The following SCAPER variants were observed in gnomAD, a reference collection of about 807,000 sequenced individuals.
The protein encoded by SCAPER is S phase cyclin A-associated protein in the endoplasmic reticulum.
A neutral mutation model predicts 182.2 loss-of-function variants in SCAPER; 98 were observed. The observed-to-expected ratio is 0.54, with a 90% CI of 0.46 to 0.64. The LOEUF (loss-of-function observed/expected upper bound fraction) is 0.64. Among genes scored for constraint, SCAPER ranks in the 30% least tolerant of loss-of-function variants. The pLI is 0.00. For synonymous variants in SCAPER, 605 were observed against 564.6 expected, an observed-to-expected ratio of 1.07 and a Z score of -1.01; for missense variants, 1,432 against 1,690.0, an observed-to-expected ratio of 0.85 and a Z score of 2.68.
intron 5 of SCAPER, 77 bp from the exon 6 acceptor site, chr15:76,804,710 C>G: frequency 1.1e-6 from 1 of 874,056 alleles, no homozygotes; most frequent in Non-Finnish European, 1.7e-6. Context: ...GAGTGAACAA[C>G]TTAAGAATTA....
intron 16 of SCAPER, among the ~76,000 whole-genome samples, chr15:76,733,008 A>G (rs2061015109): frequency 6.6e-6 from 1 of 151,940 alleles, no homozygotes; most frequent in Non-Finnish European, 1.5e-5. Flanking sequence ...GTATCCAATA[A>G]ATATCAGCAC....
At chr15:76,726,547 G>A (rs751503967) in intron 17 of SCAPER, among the ~76,000 whole-genome samples, 10 of 151,948 alleles carry the variant, frequency 6.6e-5, no homozygotes, top group Admixed American at 1.3e-4. Context: ...TGTAACACCC[G>A]TGTTTATAGC....
At chr15:76,592,283 G>C (rs1295488676) in intron 22 of SCAPER, among the ~76,000 whole-genome samples, 1 of 62,854 alleles carries the variant, frequency 1.6e-5, no homozygotes, top group African/African-American at 3.2e-5. Flanking sequence ...TTTCAATTAT[G>C]ACTTTATGTA....
At chr15:76,551,605 T>G (rs2045776156) in intron 23 of SCAPER, among the ~76,000 whole-genome samples, 1 of 152,126 alleles carries the variant, frequency 6.6e-6, no homozygotes, top group African/African-American at 2.4e-5. Context: ...AAAATTACAG[T>G]TAGATACGAG....
At chr15:76,466,698 G>A (rs2049687310) in intron 25 of SCAPER, among the ~76,000 whole-genome samples, 1 of 150,802 alleles carries the variant, frequency 6.6e-6, no homozygotes, top group Non-Finnish European at 1.5e-5. Flanking sequence ...TTTATGAACT[G>A]GCTTTTGTAG....
chr15:76,611,861 G>C (rs1052353080), intron 22 of SCAPER, among the ~76,000 whole-genome samples: 3 of 152,102 alleles, frequency 2.0e-5, no homozygotes, highest in Non-Finnish European at 4.4e-5. Flanking sequence ...TATCTCAATA[G>C]GTGCAGAAAT....
intron 6 of SCAPER, among the ~76,000 whole-genome samples, 160 bp downstream of exon 6, chr15:76,804,373 C>T (rs989642674): frequency 6.6e-6 from 1 of 152,122 alleles, no homozygotes; most frequent in Non-Finnish European, 1.5e-5. Flanking sequence ...TGATAATTAC[C>T]CAATAAATAT....
intron 8 of SCAPER, among the ~76,000 whole-genome samples, chr15:76,787,281 T>C (rs2064680445): frequency 6.6e-6 from 1 of 152,156 alleles, no homozygotes; most frequent in South Asian, 2.1e-4. Context: ...ACAAAAAACA[T>C]ATGAAACACA....
intron 22 of SCAPER, among the ~76,000 whole-genome samples, chr15:76,586,075 G>C (rs2048633081): frequency 6.6e-6 from 1 of 152,116 alleles, no homozygotes; most frequent in African/African-American, 2.4e-5. Context: ...TCTTAAAACT[G>C]GAACAAATTT....
intron 27 of SCAPER, among the ~76,000 whole-genome samples, 176 bp downstream of exon 27, chr15:76,404,348 A>G (rs2044673068): frequency 6.6e-6 from 1 of 152,190 alleles, no homozygotes; most frequent in African/African-American, 2.4e-5. Context: ...TGTGTGGCCC[A>G]GAAAAATGAG....
intron 15 of SCAPER, among the ~76,000 whole-genome samples, chr15:76,747,199 A>C (rs1329329990): frequency 1.3e-5 from 2 of 152,152 alleles, no homozygotes; most frequent in African/African-American, 4.8e-5. Context: ...TGTCCCTTCA[A>C]ACCACATGTT....
At chr15:76,500,047 A>T (rs187003606) in intron 24 of SCAPER, among the ~76,000 whole-genome samples, 20 of 152,322 alleles carry the variant, frequency 1.3e-4, no homozygotes, top group Non-Finnish European at 4.4e-5. Flanking sequence ...TAATCCTCAT[A>T]ACAGTTCTAT....
intron 23 of SCAPER, among the ~76,000 whole-genome samples, chr15:76,510,897 G>A (rs1016343574): frequency 4.0e-5 from 6 of 151,872 alleles, no homozygotes; most frequent in Admixed American, 1.3e-4. Context: ...GTGCGCGCGC[G>A]CACGTATGGA....
chr15:76,585,661 A>T (rs1161286576), intron 22 of SCAPER, among the ~76,000 whole-genome samples: 1 of 152,166 alleles, frequency 6.6e-6, no homozygotes, highest in Admixed American at 6.5e-5. Flanking sequence ...CCCTGAGGTA[A>T]ATCAATTCTG....
At position 76,542,211 on chromosome 15, in the gene SCAPER, A is replaced by T. The variant is rs866663896; in HGVS notation, c.2838+31947T>A. On this transcript the variant is annotated intron_variant, in intron 23 of 31. Coordinates refer to ENST00000563290, the MANE Select transcript of SCAPER (RefSeq NM_020843.4). ...GAAGGGAAATGACTTGCCAAGTGTT[A>T]TCAGGGCTGGGATTAGAATCCACAA... is the stretch of plus-strand genomic sequence containing the variant. Among the ~76,000 whole-genome samples, 5 of 152,284 alleles carry T rather than the reference A, an allele frequency of 3.3e-5. No individual in the cohort carries two copies. The East Asian group carries it at 9.6e-4, about 29-fold the overall frequency.
At chr15:76,433,156 T>C (rs968496407) in intron 26 of SCAPER, among the ~76,000 whole-genome samples, 11 of 151,884 alleles carry the variant, frequency 7.2e-5, no homozygotes, top group African/African-American at 2.7e-4. Flanking sequence ...TTGGAAAGAG[T>C]TGACATCAAG....
intron 20 of SCAPER, among the ~76,000 whole-genome samples, chr15:76,684,614 T>C (rs1406123667): frequency 6.6e-6 from 1 of 151,780 alleles, no homozygotes; most frequent in Non-Finnish European, 1.5e-5. Context: ...ACAAATGAGG[T>C]AGAGACTTAA....
chr15:76,765,090 T>C lies in SCAPER; in HGVS notation c.1614-18A>G. ...CAATTGTTCTATTAATACAAACAAA[T>C]GGACAAGAGACATGAAATGTTTACA... is the stretch of plus-strand genomic sequence containing the variant. On this transcript the variant is annotated intron_variant, in intron 13 of 31. Transcript: ENST00000563290. 2.0e-6 allele frequency: 3 copies of C among 1,475,290 alleles called. No individual in the cohort carries two copies. The highest frequency in any genetic ancestry group is 2.8e-6 in the Non-Finnish European group (3 of 1,082,818). The allele number at this position is 1,475,290 out of a possible 1,614,324, so 91.4% of individuals were successfully genotyped here.
At chr15:76,476,595 A>ATTTTTTTTTT (rs5813839) in intron 24 of SCAPER, among the ~76,000 whole-genome samples, 9 of 73,532 alleles carry the variant, frequency 1.2e-4, no homozygotes, top group Admixed American at 2.3e-4. Flanking sequence ...CACCCAGCTA[A>ATTTTTTTTTT]TTTTTTTTTT....
Sources: gnomAD v4.1 joint callset for allele counts (sites outside exome capture counted in the v4.1 genomes callset) on GRCh38, gnomAD v4.1.1 for gene constraint, MANE v1.5 for transcripts, NCBI Gene and HGNC (gene_info 2026-07-23, HGNC 2026-07-21) for gene names.